Variants in AGBL1 observed in about 807,000 individuals in gnomAD.
AGBL1 encodes AGBL carboxypeptidase 1.
AGBL1 carries 130 observed loss-of-function variants against 118.9 expected under a neutral mutation model. That is an observed-to-expected ratio of 1.09 (90% CI 0.95 to 1.26). The LOEUF is 1.26. AGBL1 is among the 50% of genes most tolerant of loss of function. The probability of loss-of-function intolerance (pLI) is 0.00; values close to 1 mark genes in which losing one functional copy is unlikely to be tolerated. For synonymous variants in AGBL1, 555 were observed against 478.9 expected (o/e 1.16, Z -2.08); for missense variants, 1,584 against 1,298.1 (o/e 1.22, Z -3.38).
chr15:86,827,289 A>ATGTGTG (rs1185549204), intron 22 of AGBL1, among the ~76,000 whole-genome samples: 7 of 52,464 alleles, frequency 1.3e-4, no homozygotes, highest in Non-Finnish European at 2.7e-4. Context: ...ATGGGTGTGT[A>ATGTGTG]TGTATATATA....
At chr15:87,019,832 C>G (rs1048831539) in intron 24 of AGBL1, among the ~76,000 whole-genome samples, 3 of 151,590 alleles carry the variant, frequency 2.0e-5, no homozygotes, top group South Asian at 2.1e-4. Flanking sequence ...AATCCAGGAG[C>G]CTGTTTTTTG....
chr15:86,141,636 G>A (rs1230307370), intron 1 of AGBL1, among the ~76,000 whole-genome samples: 3 of 152,162 alleles, frequency 2.0e-5, no homozygotes, highest in Non-Finnish European at 2.9e-5. Context: ...GGGCAACAGA[G>A]CAAGACTTCA....
intron 15 of AGBL1, among the ~76,000 whole-genome samples, chr15:86,278,721 G>T (rs1252091443): frequency 6.6e-6 from 1 of 152,114 alleles, no homozygotes; most frequent in Non-Finnish European, 1.5e-5. Context: ...TTGGTGTCCG[G>T]GTGTATTTTG....
chr15:86,148,483 C>T (rs945077938), intron 3 of AGBL1, among the ~76,000 whole-genome samples: 2 of 152,156 alleles, frequency 1.3e-5, no homozygotes, highest in Admixed American at 6.5e-5. Flanking sequence ...GACACATGCA[C>T]AAGCTTCAGT....
rs2080385207 is a variant in AGBL1 at position 86,913,907 on chromosome 15, GATGATTCTAC to G, written c.*6617_*6626del. ...AAGTAAATAAAAAGGCTGAAGCAAA[GATGATTCTAC>G]ATGGGGGGATTTCAATGATCTTTTA... On this transcript the variant is annotated 3_prime_UTR_variant, in exon 23 of 23. Coordinates refer to ENST00000614907, the MANE Select transcript of AGBL1 (RefSeq NM_001386094.1). 2 of 152,160 alleles carry G rather than the reference GATGATTCTAC, an allele frequency of 1.3e-5. No individual in the cohort carries two copies. The highest frequency in any genetic ancestry group is 4.8e-5 in the African/African-American group (2 of 41,446). The allele number at this position is 152,160 out of a possible 1,614,324, so 9.4% of individuals were successfully genotyped here. A position where few individuals can be genotyped will look rare whatever the true frequency, so the allele number is the denominator to read the frequency against.
chr15:86,261,999 A>C (rs1015005620), intron 9 of AGBL1, among the ~76,000 whole-genome samples: 1 of 149,442 alleles, frequency 6.7e-6, no homozygotes, highest in Non-Finnish European at 1.5e-5. Flanking sequence ...TTCTGTATGC[A>C]ACAGCCACCT....
intron 18 of AGBL1, among the ~76,000 whole-genome samples, chr15:86,405,417 G>T (rs1007378957): frequency 6.6e-6 from 1 of 152,118 alleles, no homozygotes; most frequent in Non-Finnish European, 1.5e-5. Flanking sequence ...TTGGGAGGGT[G>T]AGACAGGAGA....
chr15:86,479,444 G>T (rs1407598814), intron 18 of AGBL1, among the ~76,000 whole-genome samples: 3 of 152,170 alleles, frequency 2.0e-5, no homozygotes, highest in Non-Finnish European at 2.9e-5. Flanking sequence ...CTTCTCAAAA[G>T]AAGACATTTA....
intron 21 of AGBL1, among the ~76,000 whole-genome samples, chr15:86,610,618 AT>A (rs958232935): frequency 6.6e-6 from 1 of 152,166 alleles, no homozygotes; most frequent in African/African-American, 2.4e-5. Context: ...CCAAATCCAA[AT>A]TATTTCCCGC....
intron 17 of AGBL1, among the ~76,000 whole-genome samples, chr15:86,356,241 A>G (rs2080716100): frequency 6.6e-6 from 1 of 152,094 alleles, no homozygotes; most frequent in African/African-American, 2.4e-5. Context: ...TAAAAATAGA[A>G]TGGCTTAGAG....
chr15:86,467,804 G>T (rs143392489), intron 18 of AGBL1, among the ~76,000 whole-genome samples: 19 of 152,202 alleles, frequency 1.2e-4, no homozygotes, highest in East Asian at 1.9e-4. Context: ...CTGCTCCATG[G>T]GTTGCACCCA....
chr15:86,602,857 G>A (rs546006425), intron 21 of AGBL1, among the ~76,000 whole-genome samples: 1 of 152,264 alleles, frequency 6.6e-6, no homozygotes, highest in Admixed American at 6.5e-5. Context: ...GATATCAAAA[G>A]CCTTCCTTCT....
rs191159184 is a variant in AGBL1 at position 86,907,264 on chromosome 15, A to T, written c.3336A>T (p.Ala1112=). ...TTGAGGGAGAGGAAGAAGAGGAGGC[A>T]CCAGGGCAGGGAGGAGAAGCCATCC... ...NKFEGEEEEE[A]PGQGGEAIP Residue 1112 remains alanine (A), a synonymous_variant, in exon 23 of 23, where the codon GCA becomes GCT. Transcript: ENST00000614907. 692 of 152,450 alleles carry T rather than the reference A, an allele frequency of 4.5e-3. 5 individuals carry two copies. Among genetic ancestry groups the T allele is most frequent in the Non-Finnish European group, 6.0e-3 (412 of 68,202 alleles). The allele number at this position is 152,450 out of a possible 1,614,324, so 9.4% of individuals were successfully genotyped here.
rs982306970 is a variant in AGBL1, at chr15:86,913,190, C to CACACACACAT, written c.*5906_*5915dup. On this transcript the variant is annotated 3_prime_UTR_variant, in exon 23 of 23. Transcript: ENST00000614907. ...GAAGCTGAGTTTGAGTTCCCCACCA[C>CACACACACAT]ACACACACATACACACACACACACA... 1.7e-5 allele frequency: 2 copies of CACACACACAT among 118,298 alleles called. No homozygotes were observed. The highest frequency in any genetic ancestry group is 7.7e-5 in the African/African-American group (2 of 26,072). The allele number at this position is 118,298 out of a possible 1,614,324, so 7.3% of individuals were successfully genotyped here.
At chr15:86,964,008 A>ACTCTCTCTCTCTCT (rs71460234) in intron 23 of AGBL1, among the ~76,000 whole-genome samples, 2,080 of 139,450 alleles carry the variant, frequency 0.015, 37 homozygotes, top group South Asian at 0.024. Context: ...GAGCCAGGAA[A>ACTCTCTCTCTCTCT]CTCTCTCTCT....
intron 22 of AGBL1, among the ~76,000 whole-genome samples, chr15:86,753,544 C>T (rs1182992080): frequency 2.6e-5 from 4 of 151,750 alleles, no homozygotes; most frequent in Non-Finnish European, 5.9e-5. Context: ...ATTACAGACA[C>T]CCACCACCAC....
chr15:86,943,797 A>T (rs1404044236), intron 23 of AGBL1, among the ~76,000 whole-genome samples: 5 of 152,124 alleles, frequency 3.3e-5, no homozygotes, highest in Non-Finnish European at 5.9e-5. Context: ...TTGATTTTTC[A>T]GGCTGCTTTT....
intron 5 of AGBL1, among the ~76,000 whole-genome samples, chr15:86,212,607 G>A (rs1261310328): frequency 1.3e-5 from 2 of 152,170 alleles, no homozygotes; most frequent in Admixed American, 1.3e-4. Context: ...GAACTTCATT[G>A]GTACTAAATC....
At chr15:86,104,872 G>C (rs1896945544) in intron 1 of AGBL1, among the ~76,000 whole-genome samples, 1 of 152,048 alleles carries the variant, frequency 6.6e-6, no homozygotes, top group South Asian at 2.1e-4. Flanking sequence ...ACCTATGTTA[G>C]TTTCAGGGCC....
Sources: allele counts gnomAD v4.1 joint callset (sites outside exome capture counted in the v4.1 genomes callset), GRCh38; gene constraint gnomAD v4.1.1; transcripts MANE v1.5; gene names NCBI Gene and HGNC (gene_info 2026-07-23, HGNC 2026-07-21).